LPIN1: variants seen among roughly 807,000 people sequenced by gnomAD.
The protein encoded by LPIN1 is phosphatidate phosphatase LPIN1.
A neutral mutation model predicts 107.5 loss-of-function variants in LPIN1; 71 were observed. The observed-to-expected ratio is 0.66, with a 90% CI of 0.55 to 0.80. LPIN1 has a LOEUF of 0.80. Among genes scored for constraint, LPIN1 ranks in the 30% least tolerant of loss-of-function variants. LPIN1 has a pLI of 0.00. For missense variants in LPIN1, 1,043 were observed against 1,160.6 expected, an observed-to-expected ratio of 0.90 and a Z score of 1.47; for synonymous variants, 445 against 452.6, an observed-to-expected ratio of 0.98 and a Z score of 0.21.
chr2:11,705,301 C>A (rs550653013), intron 1 of LPIN1, among the ~76,000 whole-genome samples: 1 of 152,346 alleles, frequency 6.6e-6, no homozygotes, highest in African/African-American at 2.4e-5. Context: ...AAAAAATCAC[C>A]TTTATTTTTC....
intron 13 of LPIN1, among the ~76,000 whole-genome samples, chr2:11,793,251 C>G (rs968504328): frequency 1.3e-5 from 2 of 152,198 alleles, no homozygotes; most frequent in African/African-American, 4.8e-5. Context: ...CAGGTCCTAT[C>G]AGTTTTCCAT....
Position 11,771,527 on chromosome 2 carries a change from C to A in LPIN1, c.444C>A (p.Ser148Arg). 6.2e-7 allele frequency: 1 copy of A among 1,614,154 alleles called. No individual in the cohort carries two copies. Among genetic ancestry groups the A allele is most frequent in the Non-Finnish European group, 8.5e-7 (1 of 1,180,028 alleles). ...QVIAPSETPS[S>R]SSVVKKRRKR... ...TCGCTCCCAGCGAGACGCCGTCAAGCAGCTCTGTAGTAAAGAAGAGAAGAA... is the reference window on the plus strand; with the variant it reads ...TCGCTCCCAGCGAGACGCCGTCAAGAAGCTCTGTAGTAAAGAAGAGAAGAA... The change falls in exon 4 of 21, where the codon AGC (serine) becomes AGA (arginine). Residue 148 changes from serine (S) to arginine (R), a missense_variant. Transcript: ENST00000674199. This position sits in a 1 kb window ranked among gnomAD's most constrained non-coding sequence, Gnocchi z 4.8.
rs146712242 is a variant in LPIN1, at chr2:11,804,093, C to T, written c.2014-330C>T. ...ATTCCAAACTTGTGATTTATTACGC[C>T]GTGTAGCCCCGTCATTGAATCCTGG... On this transcript the variant is annotated intron_variant, in intron 15 of 20. Transcript: ENST00000674199. Among the ~76,000 whole-genome samples the T allele has an allele frequency of 7.8e-3, 1,190 of 152,174 alleles. 9 individuals carry two copies. Among genetic ancestry groups the T allele is most frequent in the Non-Finnish European group, 0.012 (820 of 68,016 alleles).
At chr2:11,744,812 G>A (rs951499780), upstream of LPIN1, among the ~76,000 whole-genome samples, 37 of 152,158 alleles carry the variant, frequency 2.4e-4, no homozygotes, top group African/African-American at 8.2e-4. Context: ...GTTTTGGGCA[G>A]CCGTGATGCA....
chr2:11,722,670 A>T (rs188267631), upstream of LPIN1, among the ~76,000 whole-genome samples: 26 of 152,362 alleles, frequency 1.7e-4, no homozygotes, highest in African/African-American at 6.3e-4. Context: ...CTTGTAGCCC[A>T]TTGAACATGC....
chr2:11,817,170 A>T (rs1680718641), intron 18 of LPIN1: 1 of 151,978 alleles, frequency 6.6e-6, no homozygotes, highest in South Asian at 2.1e-4. Context: ...CTTATCATTG[A>T]CGGGCACACA....
At chr2:11,685,037 T>G (rs913047169) in intron 1 of LPIN1, among the ~76,000 whole-genome samples, 4 of 151,598 alleles carry the variant, frequency 2.6e-5, no homozygotes. Context: ...GGAGAGGGGT[T>G]GTGGAGAAAA....
chr2:11,722,680 C>A (rs1250228529), upstream of LPIN1, among the ~76,000 whole-genome samples: 2 of 152,172 alleles, frequency 1.3e-5, no homozygotes, highest in Non-Finnish European at 2.9e-5. Flanking sequence ...ATTGAACATG[C>A]AGGCTTCAGT....
intron 17 of LPIN1, 89 bp from the exon 18 acceptor site, chr2:11,814,999 T>C: frequency 7.9e-7 from 1 of 1,270,786 alleles, no homozygotes; most frequent in Non-Finnish European, 1.1e-6. Flanking sequence ...AGTGCCATTC[T>C]CCACAGAACA....
intron 9 of LPIN1, 74 bp from the exon 10 acceptor site, chr2:11,784,812 A>G (rs1674219998): frequency 1.4e-6 from 2 of 1,432,636 alleles, no homozygotes; most frequent in Admixed American, 1.7e-5. Flanking sequence ...GTGCCAGAGC[A>G]TCACTGGATG....
At chr2:11,820,207 T>G (rs894619622) in intron 19 of LPIN1, among the ~76,000 whole-genome samples, 1 of 152,188 alleles carries the variant, frequency 6.6e-6, no homozygotes, top group African/African-American at 2.4e-5. Flanking sequence ...AACTCAGTCC[T>G]TGAACAGATG....
At position 11,707,259 on chromosome 2, in the gene LPIN1, G is replaced by A. The variant is rs9287738; in HGVS notation, c.82-6497G>A. Among the ~76,000 whole-genome samples, 21,199 of 152,196 alleles carry A rather than the reference G, an allele frequency of 0.14. 1,721 individuals are homozygous for A. Among genetic ancestry groups the A allele is most frequent in the East Asian group, 0.3 (1,535 of 5,176 alleles). On this transcript the variant is annotated intron_variant, in intron 1 of 21. Transcript: ENST00000449576. The surrounding 1 kb of genome is among the most constrained non-coding windows in gnomAD (Gnocchi z 4.2). ...ACGGGGGATGATCAGATGGACCAAG[G>A]AAGTTCCTTCCAGGAAGGGTCACTG...
chr2:11,726,506 G>C (rs1323030642), intron 1 of LPIN1, among the ~76,000 whole-genome samples: 1 of 150,556 alleles, frequency 6.6e-6, no homozygotes, highest in Non-Finnish European at 1.5e-5. Flanking sequence ...CATCTGTCCT[G>C]GTTGTCGTCC....
chr2:11,799,428 G>A (rs990916784), intron 14 of LPIN1, among the ~76,000 whole-genome samples: 15 of 123,446 alleles, frequency 1.2e-4, no homozygotes, highest in African/African-American at 5.4e-4. Flanking sequence ...TGAGGGGCCT[G>A]TAGCCTCGTT....
At chr2:11,754,157 C>T (rs547825885) in intron 1 of LPIN1, among the ~76,000 whole-genome samples, 16 of 152,284 alleles carry the variant, frequency 1.1e-4, no homozygotes, top group East Asian at 5.8e-4. Flanking sequence ...GTTGGCCCCA[C>T]GAGCAGCAGC....
chr2:11,795,594 G>GAA, intron 14 of LPIN1, 107 bp downstream of exon 14: 1 of 1,041,238 alleles, frequency 9.6e-7, no homozygotes, highest in Non-Finnish European at 1.5e-6. Context: ...TCCAACTCTG[G>GAA]CTCTGTGATT....
chr2:11,705,751 G>C (rs1663093019), intron 1 of LPIN1, among the ~76,000 whole-genome samples: 1 of 152,232 alleles, frequency 6.6e-6, no homozygotes, highest in Non-Finnish European at 1.5e-5. Flanking sequence ...TGTTCACCAA[G>C]TTCAGGAGGG....
At chr2:11,730,298 T>A (rs959860796) in intron 1 of LPIN1, among the ~76,000 whole-genome samples, 12 of 152,212 alleles carry the variant, frequency 7.9e-5, no homozygotes, top group African/African-American at 2.7e-4. Flanking sequence ...TCACCTTTGT[T>A]AGGACAGTTT....
In LPIN1 at chr2:11,707,067, A is replaced by C. The variant is rs1360709606; in HGVS notation, c.82-6689A>C. 6.6e-6 allele frequency among the ~76,000 whole-genome samples: 1 copy of C among 152,196 alleles called. No individual in the cohort carries two copies. Among genetic ancestry groups the C allele is most frequent in the Non-Finnish European group, 1.5e-5 (1 of 68,036 alleles). On this transcript the variant is annotated intron_variant, in intron 1 of 21. Transcript: ENST00000449576. This position sits in a 1 kb window ranked among gnomAD's most constrained non-coding sequence, Gnocchi z 4.2. Reference sequence around the variant, plus strand: ...CCTTTGTAGCAATTAGCCATACAGCACCTCTTAGAGCCTGTTACACGTGAG... The same window carrying C: ...CCTTTGTAGCAATTAGCCATACAGCCCCTCTTAGAGCCTGTTACACGTGAG...
Sources: allele counts gnomAD v4.1 joint callset (sites outside exome capture counted in the v4.1 genomes callset), GRCh38; gene constraint gnomAD v4.1.1; non-coding constraint Gnocchi (gnomAD v3.1); transcripts MANE v1.5; gene names NCBI Gene and HGNC (gene_info 2026-07-23, HGNC 2026-07-21).